The following GRM8 variants were observed in gnomAD, a reference collection of about 807,000 sequenced individuals.
GRM8 encodes the protein metabotropic glutamate receptor 8.
GRM8 carries 47 observed loss-of-function variants against 87.2 expected under a neutral mutation model. The observed-to-expected ratio is 0.54, with a 90% confidence interval of 0.43 to 0.69. GRM8 has a LOEUF of 0.69. GRM8 is among the 30% of genes least tolerant of loss of function. The pLI, the probability that GRM8 is intolerant of heterozygous loss-of-function variation, is 0.00. For missense variants in GRM8, 1,019 were observed against 1,139.2 expected, an observed-to-expected ratio of 0.89 and a Z score of 1.52; for synonymous variants, 396 against 404.5, an observed-to-expected ratio of 0.98 and a Z score of 0.25.
At chr7:127,092,699 T>C (rs1188527307) in intron 3 of GRM8, among the ~76,000 whole-genome samples, 1 of 152,140 alleles carries the variant, frequency 6.6e-6, no homozygotes, top group Non-Finnish European at 1.5e-5. Context: ...AGAGTGAGAC[T>C]CTGTCTCAGG....
chr7:126,747,422 T>G (rs1270682281), intron 7 of GRM8, among the ~76,000 whole-genome samples: 1 of 152,028 alleles, frequency 6.6e-6, no homozygotes, highest in Non-Finnish European at 1.5e-5. Flanking sequence ...GACTAGTCCC[T>G]CTAAGAAGAT....
At chr7:126,653,497 C>A (rs193111880) in intron 7 of GRM8, among the ~76,000 whole-genome samples, 1 of 152,038 alleles carries the variant, frequency 6.6e-6, no homozygotes, top group African/African-American at 2.4e-5. Context: ...AATAAGGTAA[C>A]TACAACAGAA....
intron 9 of GRM8, among the ~76,000 whole-genome samples, chr7:126,469,184 T>C (rs578007822): frequency 1.1e-4 from 17 of 152,276 alleles, no homozygotes; most frequent in Non-Finnish European, 2.1e-4. Context: ...ATCCAGTAGA[T>C]GGCTATCACA....
intron 2 of GRM8, among the ~76,000 whole-genome samples, chr7:127,201,411 T>C (rs1026330708): frequency 1.3e-5 from 2 of 152,218 alleles, no homozygotes; most frequent in African/African-American, 4.8e-5. Context: ...GTGTTCTAAG[T>C]CCATCATGTT....
chr7:127,187,033 A>C (rs1794773745), intron 2 of GRM8, among the ~76,000 whole-genome samples: 1 of 152,186 alleles, frequency 6.6e-6, no homozygotes. Flanking sequence ...GTTGTGAACA[A>C]CCAAGAGACA....
intron 3 of GRM8, among the ~76,000 whole-genome samples, chr7:127,010,329 G>A (rs1043799030): frequency 4.0e-5 from 6 of 151,876 alleles, no homozygotes; most frequent in South Asian, 2.1e-4. Context: ...TTCTGTTCAC[G>A]GTACTAATAT....
chr7:126,741,182 A>G (rs1814934067), intron 7 of GRM8, among the ~76,000 whole-genome samples: 1 of 152,058 alleles, frequency 6.6e-6, no homozygotes, highest in Non-Finnish European at 1.5e-5. Flanking sequence ...AAAATAGATT[A>G]CTGGCAGTAC....
rs138795213 is a variant in GRM8 at position 126,468,372 on chromosome 7, T to A, written c.2431-22000A>T. Among the ~76,000 whole-genome samples the A allele has an allele frequency of 5.3e-3, 799 of 152,164 alleles. 7 individuals are homozygous for A. Among genetic ancestry groups the A allele is most frequent in the African/African-American group, 0.019 (771 of 41,540 alleles). On this transcript the variant is annotated intron_variant, in intron 9 of 10. Transcript: ENST00000339582. ...CCCAATTCCTTGGCCTTTCAATCCT[T>A]TTCATTTCTCACTTGCAATAATCAT...
intron 9 of GRM8, among the ~76,000 whole-genome samples, chr7:126,515,225 T>A (rs1322233445): frequency 6.6e-6 from 1 of 152,120 alleles, no homozygotes; most frequent in Non-Finnish European, 1.5e-5. Context: ...ACTATACACA[T>A]GATCAAATGT....
At chr7:126,882,654 A>C (rs960150112) in intron 6 of GRM8, among the ~76,000 whole-genome samples, 2 of 152,174 alleles carry the variant, frequency 1.3e-5, no homozygotes, top group Non-Finnish European at 2.9e-5. Flanking sequence ...AGATACACAC[A>C]TACATAAAGC....
chr7:127,217,517 C>T (rs1250616288), intron 2 of GRM8, among the ~76,000 whole-genome samples: 1 of 152,182 alleles, frequency 6.6e-6, no homozygotes, highest in Non-Finnish European at 1.5e-5. Context: ...GGCCTCTTGT[C>T]CAGAGATGTC....
intron 2 of GRM8, among the ~76,000 whole-genome samples, chr7:127,203,737 T>A (rs1326425579): frequency 7.1e-6 from 1 of 140,330 alleles, no homozygotes; most frequent in Non-Finnish European, 1.5e-5. Flanking sequence ...TAAAATAAAT[T>A]GAAAAAAATA....
At chr7:127,184,770 A>G (rs1238474525) in intron 2 of GRM8, among the ~76,000 whole-genome samples, 7 of 152,024 alleles carry the variant, frequency 4.6e-5, no homozygotes, top group African/African-American at 1.4e-4. Flanking sequence ...ATGAGTGAGT[A>G]TAGCAAGGTC....
At chr7:126,583,147 G>A (rs1231808111) in intron 8 of GRM8, among the ~76,000 whole-genome samples, 1 of 152,138 alleles carries the variant, frequency 6.6e-6, no homozygotes, top group East Asian at 1.9e-4. Context: ...CCTGAGGTCA[G>A]GAGTTTGAGA....
chr7:126,891,598 G>T (rs1409359210), intron 6 of GRM8, among the ~76,000 whole-genome samples: 3 of 151,862 alleles, frequency 2.0e-5, no homozygotes, highest in African/African-American at 7.3e-5. Context: ...TGGTCTTTGT[G>T]CCACCCTCTG....
intron 7 of GRM8, among the ~76,000 whole-genome samples, chr7:126,731,841 A>C (rs1813619812): frequency 6.6e-6 from 1 of 152,046 alleles, no homozygotes; most frequent in South Asian, 2.1e-4. Context: ...CATAAATAAA[A>C]AATAAATCTA....
At chr7:126,699,721 GGT>G (rs1216899685) in intron 7 of GRM8, among the ~76,000 whole-genome samples, 1 of 152,002 alleles carries the variant, frequency 6.6e-6, no homozygotes, top group Non-Finnish European at 1.5e-5. Context: ...TTCTCCCTTT[GGT>G]GTGTGTCAAA....
intron 3 of GRM8, among the ~76,000 whole-genome samples, chr7:127,098,169 T>G (rs185017968): frequency 1.3e-5 from 2 of 152,386 alleles, no homozygotes; most frequent in East Asian, 3.9e-4. Flanking sequence ...TAATTAAATA[T>G]GATTTGTAAC....
Position 126,770,060 on chromosome 7 carries a change from C to T in GRM8, c.1162G>A (p.Glu388Lys). The T allele has an allele frequency of 1.2e-6, 2 of 1,609,322 alleles. No homozygotes were observed. The highest frequency in any genetic ancestry group is 1.7e-6 in the Non-Finnish European group (2 of 1,176,772). ...TAAGATGAATCCCGAGCAATTCGCT[C>T]CAGCCCTGCAAAATAAAAAAGTAAA... ...NSHIKKCTGL[E>K]RIARDSSYEQ... The change falls in exon 7 of 11, where the codon GAG (glutamate) becomes AAG (lysine). Residue 388 changes from glutamate to lysine, a missense_variant. By Grantham distance (56) the Glu-to-Lys change is moderately conservative. Transcript: ENST00000339582.
Sources: gnomAD v4.1 joint callset for allele counts (sites outside exome capture counted in the v4.1 genomes callset) on GRCh38, gnomAD v4.1.1 for gene constraint, MANE v1.5 for transcripts, NCBI Gene and HGNC (gene_info 2026-07-23, HGNC 2026-07-21) for gene names.